The following BCAS3 variants were observed in gnomAD, a reference collection of about 807,000 sequenced individuals.
BCAS3 encodes BCAS4/BCAS3 fusion.
In BCAS3, 53 loss-of-function variants were observed where a neutral mutation model predicts 116.1. The observed-to-expected ratio is 0.46, with a 90% CI of 0.37 to 0.57. The LOEUF is 0.57. Among genes scored for constraint, BCAS3 ranks in the 20% least tolerant of loss-of-function variants. The pLI, the probability that BCAS3 is intolerant of heterozygous loss-of-function variation, is 0.00. For missense variants in BCAS3, 917 were observed against 1,165.4 expected, an observed-to-expected ratio of 0.79 and a Z score of 3.10; for synonymous variants, 391 against 408.2, an observed-to-expected ratio of 0.96 and a Z score of 0.51.
intron 5 of BCAS3, among the ~76,000 whole-genome samples, chr17:60,711,234 T>C (rs1321143193): frequency 3.9e-5 from 6 of 152,138 alleles, no homozygotes; most frequent in Admixed American, 1.3e-4. Flanking sequence ...GTATTCTTTT[T>C]CTTTTGACTT....
chr17:60,917,911 A>G (rs1209277726), intron 12 of BCAS3, among the ~76,000 whole-genome samples: 14 of 152,174 alleles, frequency 9.2e-5, no homozygotes, highest in Admixed American at 9.2e-4. Flanking sequence ...CCAATTTTGA[A>G]TAATGCTTGT....
intron 22 of BCAS3, among the ~76,000 whole-genome samples, chr17:61,334,664 CAAAAAAAAA>C (rs35400660): frequency 3.9e-5 from 2 of 50,906 alleles, no homozygotes; most frequent in Admixed American, 2.6e-4. Flanking sequence ...AACTCCATCT[CAAAAAAAAA>C]AAAAAAAAAA....
rs1486555919 is a variant in BCAS3, at chr17:61,077,062, C to G, written c.2131-1271C>G. On this transcript the variant is annotated intron_variant, in intron 20 of 23. Coordinates refer to ENST00000407086, the MANE Select transcript of BCAS3 (RefSeq NM_017679.5). The surrounding 1 kb of genome is among the most constrained non-coding windows in gnomAD (Gnocchi z 4.3). The stretch of plus-strand genomic sequence containing the variant: ...AAGTCAATTACATAAAGTATTTGCA[C>G]AGGCATGAATGTACCATTGACAAGA... Among the ~76,000 whole-genome samples, 1 of 151,354 alleles carries G rather than the reference C, an allele frequency of 6.6e-6. No homozygotes were observed. Among genetic ancestry groups the G allele is most frequent in the South Asian group, 2.1e-4 (1 of 4,818 alleles).
chr17:61,060,214 C>T (rs2069846274), intron 19 of BCAS3, among the ~76,000 whole-genome samples: 1 of 151,898 alleles, frequency 6.6e-6, no homozygotes, highest in Admixed American at 6.6e-5. Flanking sequence ...GCAAGCTCCC[C>T]CTCCCAGGTT....
At chr17:61,038,102 A>G (rs756686273) in intron 18 of BCAS3, 48 bp downstream of exon 18, 1 of 1,535,008 alleles carries the variant, frequency 6.5e-7, no homozygotes. Flanking sequence ...ATTAAGGTAT[A>G]GAAGATTAAA....
rs2078201863 is a variant in BCAS3 at position 61,162,091 on chromosome 17, G to C, written c.2425+77527G>C. Among the ~76,000 whole-genome samples the C allele has an allele frequency of 6.6e-6, 1 of 152,186 alleles. No homozygotes were observed. The highest frequency in any genetic ancestry group is 1.5e-5 in the Non-Finnish European group (1 of 68,038). On this transcript the variant is annotated intron_variant, in intron 22 of 23. Transcript: ENST00000407086. The surrounding 1 kb of genome is among the most constrained non-coding windows in gnomAD (Gnocchi z 5.6). The stretch of plus-strand genomic sequence containing the variant: ...GAATATAAAGTTTGATCTGTATGTG[G>C]ATGGTTTTACTACCCCAAATGAAAT...
At chr17:61,142,614 T>G (rs1013416697) in intron 22 of BCAS3, among the ~76,000 whole-genome samples, 2 of 151,866 alleles carry the variant, frequency 1.3e-5, no homozygotes, top group African/African-American at 4.8e-5. Flanking sequence ...GATATAGAGG[T>G]GAAGGCAGGA....
intron 14 of BCAS3, among the ~76,000 whole-genome samples, chr17:60,951,764 CT>C (rs769133578): frequency 0.19 from 21,324 of 109,688 alleles, 1,717 homozygotes; most frequent in African/African-American, 0.43. Context: ...TCTTTTCTTT[CT>C]TTTTTTTTTT....
intron 5 of BCAS3, among the ~76,000 whole-genome samples, chr17:60,746,069 A>G (rs1052106399): frequency 6.6e-6 from 1 of 152,150 alleles, no homozygotes; most frequent in Non-Finnish European, 1.5e-5. Flanking sequence ...TTAAAAAAAT[A>G]CCATCAGTAT....
At chr17:60,806,123 G>A (rs532150861) in intron 6 of BCAS3, among the ~76,000 whole-genome samples, 24 of 151,830 alleles carry the variant, frequency 1.6e-4, no homozygotes, top group African/African-American at 4.8e-4. Context: ...TGATCCACCC[G>A]CCTCGGCCTC....
chr17:61,389,902 T>C (rs1237223464), intron 23 of BCAS3: 1 of 152,342 alleles, frequency 6.6e-6, no homozygotes, highest in East Asian at 1.9e-4. Context: ...GTTTCCTGGC[T>C]TCCTTGGCAG....
intron 22 of BCAS3, among the ~76,000 whole-genome samples, chr17:61,117,331 A>C (rs1257561836): frequency 2.6e-5 from 4 of 152,152 alleles, no homozygotes; most frequent in Non-Finnish European, 2.9e-5. Flanking sequence ...GATGGCTCAC[A>C]CTTGTAATCC....
intron 19 of BCAS3, among the ~76,000 whole-genome samples, chr17:61,043,982 C>G (rs2067766912): frequency 6.6e-6 from 1 of 152,020 alleles, no homozygotes; most frequent in Non-Finnish European, 1.5e-5. Context: ...ACCAGCACTT[C>G]AAGCTCCACT....
intron 7 of BCAS3, among the ~76,000 whole-genome samples, chr17:60,860,868 T>C (rs553644715): frequency 6.6e-6 from 1 of 152,334 alleles, no homozygotes; most frequent in East Asian, 1.9e-4. Flanking sequence ...TTTGTATCAG[T>C]ACCATGCTAT....
rs1427582987 is a variant in BCAS3, at chr17:61,344,297, C to G, written c.2426-24030C>G. Among the ~76,000 whole-genome samples the G allele has an allele frequency of 6.6e-6, 1 of 152,120 alleles. No homozygotes were observed. Among genetic ancestry groups the G allele is most frequent in the East Asian group, 1.9e-4 (1 of 5,198 alleles). On this transcript the variant is annotated intron_variant, in intron 22 of 23. Coordinates refer to ENST00000407086, the MANE Select transcript of BCAS3 (RefSeq NM_017679.5). The surrounding 1 kb of genome is among the most constrained non-coding windows in gnomAD (Gnocchi z 4.1). ...AGAGCCAACCTCTTACCAGTTGCTT[C>G]TCTTTTGTCAGAGACATGGGCCTCT...
intron 22 of BCAS3, among the ~76,000 whole-genome samples, chr17:61,207,847 A>G (rs917102866): frequency 1.3e-5 from 2 of 152,112 alleles, no homozygotes; most frequent in African/African-American, 4.8e-5. Context: ...TAAGGTACAT[A>G]TATATTTGTG....
At chr17:60,762,471 T>G (rs1329034726) in intron 6 of BCAS3, among the ~76,000 whole-genome samples, 1 of 152,162 alleles carries the variant, frequency 6.6e-6, no homozygotes, top group East Asian at 1.9e-4. Flanking sequence ...TTTCCCCATT[T>G]CTTGTTTTTG....
chr17:61,317,659 G>GC (rs1342670534), intron 22 of BCAS3, among the ~76,000 whole-genome samples: 1 of 152,208 alleles, frequency 6.6e-6, no homozygotes, highest in Admixed American at 6.5e-5. Flanking sequence ...TGAGAATTCA[G>GC]CGAGACAAGA....
At chr17:60,935,291 A>G (rs2145200985) in intron 13 of BCAS3, among the ~76,000 whole-genome samples, 1 of 152,334 alleles carries the variant, frequency 6.6e-6, no homozygotes, top group South Asian at 2.1e-4. Context: ...TGATGTTAAT[A>G]TAGTTTTAAG....
Sources: allele counts gnomAD v4.1 joint callset (sites outside exome capture counted in the v4.1 genomes callset), GRCh38; gene constraint gnomAD v4.1.1; non-coding constraint Gnocchi (gnomAD v3.1); transcripts MANE v1.5; gene names NCBI Gene and HGNC (gene_info 2026-07-23, HGNC 2026-07-21).